The following GRM5 variants were observed in gnomAD, a reference collection of about 807,000 sequenced individuals.
GRM5 encodes glutamate metabotropic receptor 5.
A neutral mutation model predicts 83.1 loss-of-function variants in GRM5; 19 were observed. The ratio of observed to expected loss-of-function variants is 0.23; its 90% CI spans 0.16 to 0.34. The LOEUF (loss-of-function observed/expected upper bound fraction) is 0.34, where lower values mean the gene tolerates loss of function less well. Ranked by LOEUF, GRM5 falls within the 10% of genes least tolerant of loss-of-function variation. The pLI is 1.00. For missense variants in GRM5, 1,160 were observed against 1,588.3 expected, an observed-to-expected ratio of 0.73 and a Z score of 4.58; for synonymous variants, 675 against 633.6, an observed-to-expected ratio of 1.07 and a Z score of -0.98.
chr11:88,964,244 A>G (rs1455877098), intron 2 of GRM5, among the ~76,000 whole-genome samples: 2 of 152,172 alleles, frequency 1.3e-5, no homozygotes, highest in African/African-American at 2.4e-5. Flanking sequence ...CATTGGAGCC[A>G]CCACAATAGC....
intron 2 of GRM5, among the ~76,000 whole-genome samples, chr11:89,038,767 T>A (rs994731502): frequency 6.6e-6 from 1 of 152,186 alleles, no homozygotes; most frequent in Non-Finnish European, 1.5e-5. Flanking sequence ...GTGATGTCCA[T>A]CCTACTTTTC....
chr11:88,717,442 T>G (rs1427925240), intron 3 of GRM5, among the ~76,000 whole-genome samples: 2 of 151,882 alleles, frequency 1.3e-5, no homozygotes, highest in African/African-American at 4.8e-5. Flanking sequence ...ATAAAAACCC[T>G]ATATACTAGA....
intron 1 of GRM5, chr11:89,063,429 A>G (rs1252989751): frequency 6.6e-6 from 1 of 152,184 alleles, no homozygotes; most frequent in Non-Finnish European, 1.5e-5. Context: ...TAGATCCTAA[A>G]TCCTTCTCTG....
chr11:88,886,765 T>C (rs1469475000), intron 2 of GRM5, among the ~76,000 whole-genome samples: 4 of 152,202 alleles, frequency 2.6e-5, no homozygotes, highest in African/African-American at 9.6e-5. Context: ...CTGTCTGCGA[T>C]CATCATATCT....
At chr11:88,636,700 A>C (rs910120845) in intron 4 of GRM5, among the ~76,000 whole-genome samples, 1 of 152,186 alleles carries the variant, frequency 6.6e-6, no homozygotes, top group African/African-American at 2.4e-5. Flanking sequence ...AATGTATTAT[A>C]ATTTTTAAAT....
intron 5 of GRM5, among the ~76,000 whole-genome samples, chr11:88,600,983 G>A (rs1163935562): frequency 6.6e-6 from 1 of 152,100 alleles, no homozygotes; most frequent in Non-Finnish European, 1.5e-5. Flanking sequence ...AGATCACAGA[G>A]TTAGTTAGAC....
Position 88,668,212 on chromosome 11 carries a change from G to GCACACACA in GRM5, c.912-14817_912-14810dup, listed in dbSNP as rs71046259. ...TTATTTAAAACATCTGCAGAAACTC[G>GCACACACA]CACACACACACACACACACAAAGAC... On this transcript the variant is annotated intron_variant, in intron 3 of 9. Transcript: ENST00000305447. Among the ~76,000 whole-genome samples the GCACACACA allele has an allele frequency of 2.1e-3, 294 of 142,662 alleles. 3 individuals are homozygous for GCACACACA. The highest frequency in any genetic ancestry group is 5.3e-3 in the African/African-American group (201 of 37,816). 93.6% of individuals were successfully genotyped at this position (142,662 alleles called of 152,430 possible). A position where few individuals can be genotyped will look rare whatever the true frequency, so the allele number is the denominator to read the frequency against.
chr11:88,595,779 T>C (rs1937782575), intron 6 of GRM5, among the ~76,000 whole-genome samples: 1 of 152,144 alleles, frequency 6.6e-6, no homozygotes, highest in African/African-American at 2.4e-5. Flanking sequence ...CCATCTTATG[T>C]GACAGTGTGC....
chr11:88,986,727 C>CTTTTTTTTTTT (rs60281684), intron 2 of GRM5, among the ~76,000 whole-genome samples: 11 of 93,104 alleles, frequency 1.2e-4, no homozygotes, highest in South Asian at 4.4e-4. Context: ...TTTATTTTTG[C>CTTTTTTTTTTT]TTTTTTTTTT....
chr11:89,002,996 A>AC (rs1940428562), intron 2 of GRM5, among the ~76,000 whole-genome samples: 1 of 151,644 alleles, frequency 6.6e-6, no homozygotes, highest in Non-Finnish European at 1.5e-5. Context: ...CCTTTATAGG[A>AC]TTTTTTTTGT....
At chr11:88,844,165 T>A (rs1944256664) in intron 3 of GRM5, among the ~76,000 whole-genome samples, 2 of 152,110 alleles carry the variant, frequency 1.3e-5, no homozygotes, top group African/African-American at 2.4e-5. Context: ...AACTCTTCTA[T>A]GAGGAGATAA....
At chr11:88,989,094 G>C (rs933456084) in intron 2 of GRM5, among the ~76,000 whole-genome samples, 4 of 151,312 alleles carry the variant, frequency 2.6e-5, no homozygotes, top group African/African-American at 9.7e-5. Context: ...AGACCCATCA[G>C]TGTGCTGTAT....
chr11:88,803,689 T>C (rs1283839624), intron 3 of GRM5, among the ~76,000 whole-genome samples: 1 of 152,002 alleles, frequency 6.6e-6, no homozygotes, highest in African/African-American at 2.4e-5. Flanking sequence ...ACAAATGGGA[T>C]CTAATTAAAC....
At chr11:88,839,237 A>G (rs967959437) in intron 3 of GRM5, among the ~76,000 whole-genome samples, 4 of 152,354 alleles carry the variant, frequency 2.6e-5, no homozygotes, top group South Asian at 2.1e-4. Flanking sequence ...AATTTTAAAA[A>G]TCTAAAAATT....
At chr11:88,943,466 T>A (rs1347749147) in intron 2 of GRM5, among the ~76,000 whole-genome samples, 1 of 152,070 alleles carries the variant, frequency 6.6e-6, no homozygotes, top group Admixed American at 6.6e-5. Context: ...AATGGCTAAT[T>A]TTCTATTGTA....
At position 88,775,172 on chromosome 11, in the gene GRM5, C is replaced by T. The variant is rs563270582; in HGVS notation, c.911+74734G>A. On this transcript the variant is annotated intron_variant, in intron 3 of 9. Transcript: ENST00000305447. Reference sequence around the variant, plus strand: ...CTTCTTCCTGGTTTAGTCTTGGGAGCGTGTATGCGTCCAGGAATTTATCCA... The same window carrying T: ...CTTCTTCCTGGTTTAGTCTTGGGAGTGTGTATGCGTCCAGGAATTTATCCA... Among the ~76,000 whole-genome samples the T allele has an allele frequency of 5.3e-5, 8 of 152,078 alleles. No individual in the cohort carries two copies. In the East Asian group the frequency reaches 7.8e-4, roughly 15 times the overall value.
chr11:88,914,072 A>G (rs961909375), intron 2 of GRM5, among the ~76,000 whole-genome samples: 1 of 152,182 alleles, frequency 6.6e-6, no homozygotes, highest in African/African-American at 2.4e-5. Flanking sequence ...ATGCTCTGAT[A>G]AATCACTCAG....
intron 8 of GRM5, among the ~76,000 whole-genome samples, chr11:88,564,572 A>C (rs1553132): frequency 6.6e-6 from 1 of 152,106 alleles, no homozygotes; most frequent in African/African-American, 2.4e-5. Context: ...TAATCTTATA[A>C]AAGTTAATAG....
At chr11:88,529,674 A>AG (rs1178334288) in intron 8 of GRM5, among the ~76,000 whole-genome samples, 9 of 151,978 alleles carry the variant, frequency 5.9e-5, no homozygotes, top group Non-Finnish European at 1.3e-4. Context: ...ACAAAACTAG[A>AG]GAGATAGAGA....
Sources: allele counts gnomAD v4.1 joint callset (sites outside exome capture counted in the v4.1 genomes callset), GRCh38; gene constraint gnomAD v4.1.1; transcripts MANE v1.5; gene names NCBI Gene and HGNC (gene_info 2026-07-23, HGNC 2026-07-21).